The following MRPL3 variants were observed in gnomAD, a reference collection of about 807,000 sequenced individuals.
The protein encoded by MRPL3 is large ribosomal subunit protein uL3m.
In MRPL3, 43 loss-of-function variants were observed where a neutral mutation model predicts 44.3. The ratio of observed to expected loss-of-function variants is 0.97; its 90% CI spans 0.76 to 1.25. The LOEUF (loss-of-function observed/expected upper bound fraction) is 1.25, where lower values mean the gene tolerates loss of function less well. Among genes scored for constraint, MRPL3 ranks in the 50% most tolerant of loss-of-function variants. The pLI, the probability that MRPL3 is intolerant of heterozygous loss-of-function variation, is 0.00. For synonymous variants in MRPL3, 171 were observed against 152.3 expected (o/e 1.12, Z -0.91); for missense variants, 406 against 427.6 (o/e 0.95, Z 0.45).
At chr3:131,475,323 GAAT>G (rs1237481503) in intron 6 of MRPL3, among the ~76,000 whole-genome samples, 2 of 152,098 alleles carry the variant, frequency 1.3e-5, no homozygotes, top group African/African-American at 4.8e-5. Context: ...AAGCCTATGT[GAAT>G]AATACAGTTT....
intron 9 of MRPL3, among the ~76,000 whole-genome samples, chr3:131,467,243 CACACACACACAT>C (rs1263895519): frequency 1.4e-5 from 1 of 69,762 alleles, no homozygotes; most frequent in Non-Finnish European, 4.6e-5. Flanking sequence ...TACGCGCGCA[CACACACACACAT>C]ACACACACAC....
At chr3:131,474,892 C>T (rs1933822378) in intron 6 of MRPL3, among the ~76,000 whole-genome samples, 1 of 151,734 alleles carries the variant, frequency 6.6e-6, no homozygotes, top group Non-Finnish European at 1.5e-5. Flanking sequence ...CTGTCTCAAC[C>T]TCATGAGTAG....
chr3:131,471,510 G>C (rs934740167), intron 6 of MRPL3, among the ~76,000 whole-genome samples: 17 of 152,166 alleles, frequency 1.1e-4, no homozygotes, highest in African/African-American at 3.9e-4. Flanking sequence ...ATTAATTCAA[G>C]ATTGTGAGAC....
chr3:131,472,446 G>GA (rs1260092617), intron 6 of MRPL3, among the ~76,000 whole-genome samples: 1 of 152,124 alleles, frequency 6.6e-6, no homozygotes, highest in Non-Finnish European at 1.5e-5. Flanking sequence ...ATTAGGTATA[G>GA]AAAGTATGCA....
chr3:131,495,243 T>G (rs932154818), intron 4 of MRPL3, among the ~76,000 whole-genome samples: 9 of 152,146 alleles, frequency 5.9e-5, no homozygotes, highest in African/African-American at 2.2e-4. Flanking sequence ...CATTTTTTCC[T>G]GAGAGCTATA....
intron 9 of MRPL3, among the ~76,000 whole-genome samples, chr3:131,466,030 T>G (rs1385577626): frequency 1.3e-5 from 2 of 151,878 alleles, no homozygotes; most frequent in South Asian, 2.1e-4. Context: ...GCCTCCTGAG[T>G]AGCTGGAATT....
intron 4 of MRPL3, among the ~76,000 whole-genome samples, chr3:131,492,205 C>G (rs1934272613): frequency 6.6e-6 from 1 of 152,110 alleles, no homozygotes; most frequent in Non-Finnish European, 1.5e-5. Context: ...CCTCAGCCTA[C>G]TTTTATTTTA....
intron 7 of MRPL3, among the ~76,000 whole-genome samples, chr3:131,470,245 T>G (rs1420846351): frequency 6.6e-6 from 1 of 152,156 alleles, no homozygotes. Flanking sequence ...AAGGACAGAG[T>G]TAGTTATCAG....
chr3:131,502,843 A>G lies in MRPL3; in HGVS notation c.-22T>C. On this transcript the variant is annotated 5_prime_UTR_variant, in exon 1 of 10. Coordinates refer to ENST00000264995, the MANE Select transcript of MRPL3 (RefSeq NM_007208.4). The stretch of plus-strand genomic sequence containing the variant: ...GCATGGATTAGCCCGGGAAGACTCG[A>G]CTCACGACTTCCGGGCGCCCTGCCG... 1 of 1,607,474 alleles carries G rather than the reference A, an allele frequency of 6.2e-7. No individual in the cohort carries two copies. The highest frequency in any genetic ancestry group is 8.5e-7 in the Non-Finnish European group (1 of 1,177,156).
chr3:131,479,744 C>T (rs1269220643), intron 6 of MRPL3, among the ~76,000 whole-genome samples: 2 of 152,290 alleles, frequency 1.3e-5, no homozygotes, highest in East Asian at 3.9e-4. Flanking sequence ...ACTCGGGAGG[C>T]TGAGGCAGGA....
intron 9 of MRPL3, among the ~76,000 whole-genome samples, chr3:131,465,293 T>C (rs554296399): frequency 2.6e-5 from 4 of 152,312 alleles, no homozygotes; most frequent in Admixed American, 6.5e-5. Context: ...TGAGAGTGAA[T>C]AGAGTTTTTG....
At position 131,502,824 on chromosome 3, in the gene MRPL3, A is replaced by C. The variant is rs1559837679; in HGVS notation, c.-3T>G. The C allele has an allele frequency of 6.2e-7, 1 of 1,611,860 alleles. No homozygotes were observed. The highest frequency in any genetic ancestry group is 8.5e-7 in the Non-Finnish European group (1 of 1,179,382). ...GTCAGCAGCCTCCAACCCGGCATGG[A>C]TTAGCCCGGGAAGACTCGACTCACG... On this transcript the variant is annotated 5_prime_UTR_variant, in exon 1 of 10. Transcript: ENST00000264995.
chr3:131,492,876 C>T (rs1934289124), intron 4 of MRPL3, among the ~76,000 whole-genome samples: 2 of 152,200 alleles, frequency 1.3e-5, no homozygotes, highest in Admixed American at 1.3e-4. Context: ...ACCAGTGTCA[C>T]TAAAAACAAA....
At chr3:131,484,476 T>G (rs1453457945) in intron 6 of MRPL3, among the ~76,000 whole-genome samples, 1 of 152,122 alleles carries the variant, frequency 6.6e-6, no homozygotes, top group African/African-American at 2.4e-5. Context: ...GCACTGCACA[T>G]ATTGTTCCCC....
rs766847731 is a variant in MRPL3 at position 131,502,792 on chromosome 3, G to A, written c.30C>T (p.Val10=). 1.3e-5 allele frequency: 21 copies of A among 1,612,320 alleles called. No individual in the cohort carries two copies. The highest frequency in any genetic ancestry group is 1.5e-5 in the Non-Finnish European group (18 of 1,179,424). ...CGAGTCGACCCAGCACCTGGGCGCC[G>A]ACCTGCGTCAGCAGCCTCCAACCCG... is the stretch of plus-strand genomic sequence containing the variant. MPGWRLLTQ[V]GAQVLGRLGD... is the part of the protein sequence containing the mutation. The change falls in exon 1 of 10, where the codon GTC becomes GTT. Residue 10 remains valine, a synonymous_variant. Transcript: ENST00000264995.
intron 4 of MRPL3, among the ~76,000 whole-genome samples, chr3:131,492,546 T>A (rs1165687405): frequency 6.6e-6 from 1 of 152,114 alleles, no homozygotes; most frequent in Admixed American, 6.5e-5. Context: ...GGGTTTGCGC[T>A]CCTATAAGAA....
chr3:131,479,662 G>C (rs557353192), intron 6 of MRPL3, among the ~76,000 whole-genome samples: 1 of 152,130 alleles, frequency 6.6e-6, no homozygotes, highest in African/African-American at 2.4e-5. Flanking sequence ...TGGATAACAC[G>C]GTGAAACCCC....
intron 7 of MRPL3, 115 bp downstream of exon 7, chr3:131,471,056 G>C: frequency 1.4e-6 from 1 of 694,578 alleles, no homozygotes; most frequent in East Asian, 2.6e-5. Context: ...CAAGTACATG[G>C]AGTCCCCTTG....
intron 6 of MRPL3, among the ~76,000 whole-genome samples, chr3:131,475,002 G>A (rs1049695816): frequency 4.0e-5 from 6 of 151,842 alleles, no homozygotes; most frequent in African/African-American, 7.3e-5. Context: ...GGCTGGTCTC[G>A]AACTTCTAGC....
Sources: gnomAD v4.1 joint callset for allele counts (sites outside exome capture counted in the v4.1 genomes callset) on GRCh38, gnomAD v4.1.1 for gene constraint, MANE v1.5 for transcripts, NCBI Gene and HGNC (gene_info 2026-07-23, HGNC 2026-07-21) for gene names.